NLGN4X: variants seen among roughly 807,000 people sequenced by gnomAD.
NLGN4X encodes neuroligin 4 X-linked, also known as neuroligin-4, X-linked.
Under a neutral mutation model 40.3 loss-of-function variants are expected in NLGN4X, and 3 were observed. The observed-to-expected ratio is 0.07, with a 90% CI of 0.03 to 0.19. The LOEUF is 0.19. NLGN4X is among the 10% of genes least tolerant of loss of function. The pLI is 1.00. For synonymous variants in NLGN4X, 270 were observed against 306.8 expected (o/e 0.88, Z 1.25); for missense variants, 382 against 708.3 (o/e 0.54, Z 5.23).
At chrX:6,212,908 A>C (rs1418565482) in intron 1 of NLGN4X, among the ~76,000 whole-genome samples, 1 of 112,209 alleles carries the variant, frequency 8.9e-6, no homozygotes, top group East Asian at 2.8e-4. Context: ...CCATGTGTCC[A>C]TACTGATATA....
At chrX:5,930,266 A>G (rs745910973) in intron 3 of NLGN4X, among the ~76,000 whole-genome samples, 1 of 112,626 alleles carries the variant, frequency 8.9e-6, no homozygotes, top group Non-Finnish European at 1.9e-5. Context: ...AGTAACTGGC[A>G]GTTGAGCAAC....
chrX:5,906,936 C>A (rs924359220), intron 4 of NLGN4X, among the ~76,000 whole-genome samples: 2 of 110,920 alleles, frequency 1.8e-5, no homozygotes, highest in Non-Finnish European at 3.8e-5. Flanking sequence ...AAAAATTAGC[C>A]GGGCACAGTG....
At chrX:6,156,614 A>T (rs1014103102) in intron 1 of NLGN4X, among the ~76,000 whole-genome samples, 3 of 112,421 alleles carry the variant, frequency 2.7e-5, no homozygotes, top group African/African-American at 9.7e-5. Context: ...ATGCAGAAAC[A>T]GAAAATCAAA....
intron 2 of NLGN4X, among the ~76,000 whole-genome samples, chrX:6,059,918 A>G (rs756399706): frequency 1.8e-5 from 2 of 112,243 alleles, no homozygotes; most frequent in South Asian, 7.5e-4. Flanking sequence ...TAATATTTTA[A>G]CAGTCACCTA....
At chrX:5,958,853 C>T (rs912699564) in intron 3 of NLGN4X, among the ~76,000 whole-genome samples, 1 of 112,267 alleles carries the variant, frequency 8.9e-6, no homozygotes, top group African/African-American at 3.2e-5. Flanking sequence ...AGGTTCAGCC[C>T]GTGGGGCTCC....
chrX:6,087,389 A>G (rs1251979878), intron 2 of NLGN4X, among the ~76,000 whole-genome samples: 2 of 112,116 alleles, frequency 1.8e-5, no homozygotes, highest in Admixed American at 9.4e-5. Flanking sequence ...GTATATATAC[A>G]AGTATCTATA....
chrX:5,917,307 GA>G (rs887247200), intron 3 of NLGN4X, among the ~76,000 whole-genome samples: 1 of 112,582 alleles, frequency 8.9e-6, no homozygotes, highest in African/African-American at 3.2e-5. Context: ...TACTCAGGTA[GA>G]ACCTGGCCAT....
intron 3 of NLGN4X, among the ~76,000 whole-genome samples, chrX:5,955,254 T>C (rs1357518817): frequency 3.6e-5 from 4 of 111,642 alleles, no homozygotes; most frequent in East Asian, 2.8e-4. Flanking sequence ...GTAAGTGATA[T>C]AGAAATAGTT....
At chrX:5,915,928 T>C (rs2032773264) in intron 3 of NLGN4X, among the ~76,000 whole-genome samples, 1 of 112,103 alleles carries the variant, frequency 8.9e-6, no homozygotes, top group African/African-American at 3.2e-5. Flanking sequence ...TGTCACATCC[T>C]TTGGTTTTAG....
In NLGN4X at chrX:6,098,018, G is replaced by A. The variant is rs908453313; in HGVS notation, c.472+52977C>T. ...AATTAAAAACTAGAGGGTGGGGCGC[G>A]ATGGCTCGCACCTGGAATCCCAGCA... On this transcript the variant is annotated intron_variant, in intron 2 of 5. Transcript: ENST00000381095. Among the ~76,000 whole-genome samples, 5 of 112,886 alleles carry A rather than the reference G, an allele frequency of 4.4e-5. No homozygotes were observed. In the Admixed American group the frequency reaches 4.7e-4, roughly 11 times the overall value.
chrX:6,149,961 TAA>T (rs754296118), intron 2 of NLGN4X, among the ~76,000 whole-genome samples: 8 of 97,105 alleles, frequency 8.2e-5, no homozygotes, highest in Admixed American at 1.1e-4. Flanking sequence ...GATTGAAGTT[TAA>T]AAAAAAAAAA....
intron 3 of NLGN4X, among the ~76,000 whole-genome samples, chrX:5,965,287 T>G (rs935458503): frequency 6.3e-5 from 7 of 111,815 alleles, no homozygotes; most frequent in African/African-American, 2.3e-4. Flanking sequence ...TTGGAGTTAC[T>G]CTAAAGGCCC....
chrX:6,148,129 A>G (rs1199925887), intron 2 of NLGN4X, among the ~76,000 whole-genome samples: 2 of 112,762 alleles, frequency 1.8e-5, no homozygotes, highest in African/African-American at 3.2e-5. Flanking sequence ...AAATGTAAGG[A>G]TAAGTACGTA....
At chrX:5,992,554 T>C (rs1215367272) in intron 3 of NLGN4X, among the ~76,000 whole-genome samples, 11 of 111,316 alleles carry the variant, frequency 9.9e-5, no homozygotes, top group East Asian at 2.8e-4. Flanking sequence ...TGAGCTATGA[T>C]TGCACCACTG....
intron 5 of NLGN4X, among the ~76,000 whole-genome samples, chrX:5,902,520 C>CA (rs778313282): frequency 1.2e-3 from 119 of 101,765 alleles, no homozygotes; most frequent in South Asian, 6.2e-3. Context: ...CTCTTTCTAC[C>CA]AAAAAAAAAA....
intron 1 of NLGN4X, among the ~76,000 whole-genome samples, chrX:6,160,843 T>C (rs945903990): frequency 9.6e-6 from 1 of 104,543 alleles, no homozygotes; most frequent in Non-Finnish European, 1.9e-5. Context: ...TAATATATTA[T>C]ACGTATAGAT....
intron 2 of NLGN4X, among the ~76,000 whole-genome samples, chrX:6,135,866 G>T (rs775216567): frequency 1.7e-4 from 19 of 111,703 alleles, no homozygotes; most frequent in Non-Finnish European, 3.6e-4. Context: ...CACCATTTTC[G>T]AAACTAAATG....
chrX:5,902,069 A>C (rs2031903860), intron 5 of NLGN4X, among the ~76,000 whole-genome samples: 1 of 110,606 alleles, frequency 9.0e-6, no homozygotes, highest in African/African-American at 3.3e-5. Flanking sequence ...GCAAATTAAC[A>C]AAAGAGATAT....
chrX:5,948,796 C>T (rs1354564312), intron 3 of NLGN4X, among the ~76,000 whole-genome samples: 1 of 111,960 alleles, frequency 8.9e-6, no homozygotes, highest in Non-Finnish European at 1.9e-5. Context: ...ATGAGGATCT[C>T]CCATGATTCT....
Sources: gnomAD v4.1 joint callset for allele counts (sites outside exome capture counted in the v4.1 genomes callset) on GRCh38, gnomAD v4.1.1 for gene constraint, MANE v1.5 for transcripts, NCBI Gene and HGNC (gene_info 2026-07-23, HGNC 2026-07-21) for gene names.